The following WBP2 variants were observed in gnomAD, a reference collection of about 807,000 sequenced individuals.
WBP2 encodes WW domain binding protein 2.
A neutral mutation model predicts 33.0 loss-of-function variants in WBP2; 23 were observed. The ratio of observed to expected loss-of-function variants is 0.70; its 90% confidence interval spans 0.50 to 0.99. The LOEUF is 0.99. Ranked by LOEUF, WBP2 falls within the 50% of genes least tolerant of loss-of-function variation. The pLI is 0.00. For missense variants in WBP2, 353 were observed against 358.0 expected (o/e 0.99, Z 0.11); for synonymous variants, 153 against 133.5 (o/e 1.15, Z -1.01).
intron 2 of WBP2, among the ~76,000 whole-genome samples, chr17:75,850,169 G>C (rs1430103583): frequency 1.3e-5 from 2 of 152,134 alleles, no homozygotes; most frequent in Admixed American, 6.5e-5. Context: ...CTCCCATTGA[G>C]GGGGGCTATA....
At chr17:75,851,201 T>G (rs2065025501) in intron 2 of WBP2, 1 of 202,644 alleles carries the variant, frequency 4.9e-6, no homozygotes, top group Non-Finnish European at 1.1e-5. Context: ...TTTACTGGAT[T>G]TCTCACTCTG....
chr17:75,846,241 C>CT lies in WBP2; in HGVS notation c.*492dup, dbSNP rs1053450667. The CT allele has an allele frequency of 7.3e-5, 12 of 163,880 alleles. No individual in the cohort carries two copies. Among genetic ancestry groups the CT allele is most frequent in the African/African-American group, 2.6e-4 (11 of 41,610 alleles). 10.2% of individuals were successfully genotyped at this position (163,880 alleles called of 1,614,324 possible). The stretch of plus-strand genomic sequence containing the variant: ...GGGTGGCGGGGGCTGCAGCTGGACC[C>CT]TGGCTGAGTGGAATGCGGGCGCGGT... On this transcript the variant is annotated 3_prime_UTR_variant, in exon 8 of 8. Coordinates refer to ENST00000254806, the MANE Select transcript of WBP2 (RefSeq NM_012478.4). This position sits in a 1 kb window ranked among gnomAD's most constrained non-coding sequence, Gnocchi z 4.8.
At position 75,846,640 on chromosome 17, in the gene WBP2, C is replaced by A. The variant is rs765288135; in HGVS notation, c.*94G>T. The A allele has an allele frequency of 1.0e-5, 14 of 1,392,530 alleles. No homozygotes were observed. The South Asian group carries it at 1.4e-4, about 14-fold the overall frequency. 86.3% of individuals were successfully genotyped at this position (1,392,530 alleles called of 1,614,324 possible). On this transcript the variant is annotated 3_prime_UTR_variant, in exon 8 of 8. Transcript: ENST00000254806. This position sits in a 1 kb window ranked among gnomAD's most constrained non-coding sequence, Gnocchi z 4.8. ...TTTATGATCAGACCTGGAGGGAGAACAAGGCGCCCCCTCCCCTCCCCAAGC... is the reference window on the plus strand; with the variant it reads ...TTTATGATCAGACCTGGAGGGAGAAAAAGGCGCCCCCTCCCCTCCCCAAGC...
intron 3 of WBP2, 25 bp downstream of exon 3, chr17:75,849,579 G>A (rs762133522): frequency 1.4e-5 from 22 of 1,613,328 alleles, no homozygotes; most frequent in East Asian, 1.1e-4. Flanking sequence ...GGCCCCATGC[G>A]TGTCCCTGAG....
intron 5 of WBP2, 62 bp from the exon 6 acceptor site, chr17:75,847,671 A>AG (rs944787473): frequency 4.4e-6 from 7 of 1,605,360 alleles, no homozygotes; most frequent in East Asian, 2.2e-5. Context: ...CTCCCGGGTG[A>AG]GGGGGGCCTC....
chr17:75,853,698 T>G (rs2065040804), intron 1 of WBP2, among the ~76,000 whole-genome samples: 1 of 151,996 alleles, frequency 6.6e-6, no homozygotes, highest in South Asian at 2.1e-4. Flanking sequence ...CCTCCCCCCA[T>G]ATATCACAAC....
Position 75,848,585 on chromosome 17 carries a change from G to T in WBP2, c.382C>A (p.Gln128Lys). ...GCCTGGATACCTTGAGATGCCACCT[G>T]GAGCATCCGCTGTCCGAACTCAATG... The part of the protein sequence containing the change: ...GAIEFGQRML[Q>K]VASQASRGEV... Residue 128 changes from glutamine (Q) to lysine (K), a missense_variant, in exon 4 of 8, where the codon CAG becomes AAG. Transcript: ENST00000254806. 6.2e-7 allele frequency: 1 copy of T among 1,613,900 alleles called. No homozygotes were observed. The highest frequency in any genetic ancestry group is 8.5e-7 in the Non-Finnish European group (1 of 1,179,880).
chr17:75,855,299 G>T lies in WBP2; in HGVS notation c.-2C>A. ...CGAGTGATTCTTGTTGAGCGCCATA[G>T]TCTCTCCAACAGGGGTCCCGAGACT... On this transcript the variant is annotated 5_prime_UTR_variant, in exon 1 of 8. Transcript: ENST00000254806. The T allele has an allele frequency of 6.2e-7, 1 of 1,612,156 alleles. No homozygotes were observed.
Position 75,851,645 on chromosome 17 carries a change from T to C in WBP2, c.91A>G (p.Thr31Ala), listed in dbSNP as rs754730037. 5.0e-6 allele frequency: 8 copies of C among 1,613,712 alleles called. No individual in the cohort carries two copies. The highest frequency in any genetic ancestry group is 5.9e-6 in the Non-Finnish European group (7 of 1,179,688). ...GGCACGTTCTTCATGTCATTGAATG[T>C]GAGTTCCACGTGATCATAGGACATT... ...ILMSYDHVEL[T>A]FNDMKNVPEA... Residue 31 changes from threonine to alanine, a missense_variant, in exon 2 of 8, where the codon ACA (threonine) becomes GCA (alanine). Physicochemically the swap from Thr to Ala is moderately conservative, Grantham distance 58. Transcript: ENST00000254806.
intron 1 of WBP2, among the ~76,000 whole-genome samples, chr17:75,853,016 T>C (rs1230161032): frequency 6.6e-6 from 1 of 152,190 alleles, no homozygotes; most frequent in Non-Finnish European, 1.5e-5. Flanking sequence ...AGTTCACGAC[T>C]TGAAGAGTAA....
At chr17:75,855,074 A>AC in intron 1 of WBP2, 165 bp downstream of exon 1, 2 of 74,362 alleles carry the variant, frequency 2.7e-5, no homozygotes, top group Non-Finnish European at 4.5e-5. Flanking sequence ...GCTCTCCCCC[A>AC]CGGCCCACCC....
In WBP2 at chr17:75,846,806, A is replaced by G. The variant is rs749533801; in HGVS notation, c.733-19T>C. On this transcript the variant is annotated intron_variant, in intron 7 of 7. Coordinates refer to ENST00000254806, the MANE Select transcript of WBP2 (RefSeq NM_012478.4). This position sits in a 1 kb window ranked among gnomAD's most constrained non-coding sequence, Gnocchi z 4.8. ...GCTGGCTCTAAAGAAGGGAGAAAGG[A>G]GAGACTTGCATTAGAAGGTTTAAAA... 3.8e-6 allele frequency: 6 copies of G among 1,583,658 alleles called. No individual in the cohort carries two copies. The East Asian group carries it at 6.8e-5, about 18-fold the overall frequency.
At position 75,851,418 on chromosome 17, in the gene WBP2, T is replaced by A. The variant is rs571599397; in HGVS notation, c.168+150A>T. On this transcript the variant is annotated intron_variant, in intron 2 of 7. Coordinates refer to ENST00000254806, the MANE Select transcript of WBP2 (RefSeq NM_012478.4). The stretch of plus-strand genomic sequence containing the variant: ...GGTGATTCTGGAATCCAGGAGCATG[T>A]GACAGAGAAACAGGCAGAGTGAAGC... The A allele has an allele frequency of 1.2e-4, 75 of 622,786 alleles. No homozygotes were observed. The East Asian group carries it at 2.1e-3, about 17-fold the overall frequency. The allele number at this position is 622,786 out of a possible 1,614,324, so 38.6% of individuals were successfully genotyped here.
intron 1 of WBP2, chr17:75,852,878 G>A: frequency 1.1e-6 from 1 of 877,802 alleles, no homozygotes; most frequent in Non-Finnish European, 1.4e-6. Context: ...ACGTCCTTCG[G>A]GGTTCTTTTA....
upstream of WBP2, chr17:75,856,246 C>G (rs886156811): frequency 1.3e-5 from 2 of 152,430 alleles, no homozygotes; most frequent in Non-Finnish European, 2.9e-5. Context: ...AACCGCCCCC[C>G]ACCAAACCCC....
At chr17:75,856,266 G>C (rs1332646669), upstream of WBP2, 3 of 152,330 alleles carry the variant, frequency 2.0e-5, no homozygotes, top group South Asian at 2.1e-4. Context: ...CTGCACCTCC[G>C]AGCTGAATCC....
chr17:75,851,720 G>A (rs1233412297), intron 1 of WBP2, 44 bp from the exon 2 acceptor site: 7 of 1,460,906 alleles, frequency 4.8e-6, no homozygotes, highest in African/African-American at 1.4e-5. Context: ...ACAGTATGGA[G>A]ACGCGACGTC....
intron 2 of WBP2, among the ~76,000 whole-genome samples, chr17:75,850,639 G>A (rs1321658500): frequency 6.6e-6 from 1 of 152,096 alleles, no homozygotes; most frequent in Non-Finnish European, 1.5e-5. Flanking sequence ...CTGTCTTTGT[G>A]AAGTCATGGA....
chr17:75,847,908 A>G lies in WBP2; in HGVS notation c.420T>C (p.Ser140=), dbSNP rs2065004894. The change falls in exon 5 of 8, where the codon AGT becomes AGC. Residue 140 remains serine (S), a synonymous_variant. Transcript: ENST00000254806. ...GCATGTAAGAGTAGCCATAGGCTCC[A>G]CTGGGGACTTCACCTCTGGAGGCTA... The part of the protein sequence containing the change: ...ASQASRGEVP[S]GAYGYSYMPS... 4 of 1,562,918 alleles carry G rather than the reference A, an allele frequency of 2.6e-6. No homozygotes were observed. The highest frequency in any genetic ancestry group is 2.6e-6 in the Non-Finnish European group (3 of 1,153,670).
Sources: allele counts gnomAD v4.1 joint callset (sites outside exome capture counted in the v4.1 genomes callset), GRCh38; gene constraint gnomAD v4.1.1; non-coding constraint Gnocchi (gnomAD v3.1); transcripts MANE v1.5; gene names NCBI Gene and HGNC (gene_info 2026-07-23, HGNC 2026-07-21).